C13orf46: variants seen among roughly 807,000 people sequenced by gnomAD.
C13orf46 encodes uncharacterized protein C13orf46.
chr13:113,928,319 G>A, the C13orf46 span: 1 of 152,376 alleles, frequency 6.6e-6, no homozygotes, highest in African/African-American at 2.4e-5. Flanking sequence ...CAAAGCCTTT[G>A]CCCCAGGAGG....
chr13:113,931,459 C>T, the C13orf46 span, among the ~76,000 whole-genome samples: 1 of 152,184 alleles, frequency 6.6e-6, no homozygotes, highest in Admixed American at 6.5e-5. Flanking sequence ...CACAAGCAGA[C>T]GCCAAGTGGA....
chr13:113,931,946 C>T, the C13orf46 span, among the ~76,000 whole-genome samples: 8 of 152,152 alleles, frequency 5.3e-5, no homozygotes, highest in Non-Finnish European at 1.2e-4. Context: ...GGCCCCTGCC[C>T]CGTCCCTCCA....
chr13:113,934,474 G>C, the C13orf46 span, among the ~76,000 whole-genome samples: 1 of 152,172 alleles, frequency 6.6e-6, no homozygotes, highest in Non-Finnish European at 1.5e-5. Flanking sequence ...AAGGGGTCTT[G>C]CAATTTTCCT....
intron 1 of C13orf46, among the ~76,000 whole-genome samples, chr13:113,971,044 G>A (rs2052699350): frequency 6.6e-6 from 1 of 152,238 alleles, no homozygotes; most frequent in Non-Finnish European, 1.5e-5. Flanking sequence ...TTGTGAGGAA[G>A]TCATGTGGCA....
At chr13:113,934,784 G>T in the C13orf46 span, among the ~76,000 whole-genome samples, 2 of 152,236 alleles carry the variant, frequency 1.3e-5, no homozygotes, top group Non-Finnish European at 2.9e-5. Flanking sequence ...CACCCTGATG[G>T]GGTCACACGG....
At chr13:113,942,365 G>A in the C13orf46 span, among the ~76,000 whole-genome samples, 4 of 152,192 alleles carry the variant, frequency 2.6e-5, no homozygotes, top group Non-Finnish European at 5.9e-5. Context: ...GATTGCTGCT[G>A]ACAAGACCCC....
chr13:113,927,277 A>C, the C13orf46 span: 4 of 341,232 alleles, frequency 1.2e-5, no homozygotes, highest in African/African-American at 2.1e-5. Flanking sequence ...GGCTAAGGGT[A>C]TGGGGACCTT....
chr13:113,945,672 G>GA, the C13orf46 span, among the ~76,000 whole-genome samples: 1 of 131,306 alleles, frequency 7.6e-6, no homozygotes, highest in South Asian at 2.4e-4. Context: ...AAGAAAGAAA[G>GA]GAAAGAAAAA....
the C13orf46 span, among the ~76,000 whole-genome samples, chr13:113,932,511 G>A: frequency 6.6e-6 from 1 of 152,200 alleles, no homozygotes; most frequent in Non-Finnish European, 1.5e-5. Context: ...GCTTCTGTCT[G>A]TTAATATAGC....
the C13orf46 span, among the ~76,000 whole-genome samples, chr13:113,945,539 G>GAGAAAGAAAGAA: frequency 1.8e-3 from 135 of 73,658 alleles, 1 homozygote; most frequent in East Asian, 0.016. Context: ...GCGAGAATCT[G>GAGAAAGAAAGAA]AGAAAGAAAG....
downstream of C13orf46, among the ~76,000 whole-genome samples, chr13:113,951,135 G>A (rs1025832135): frequency 4.6e-5 from 7 of 152,216 alleles, no homozygotes; most frequent in Non-Finnish European, 8.8e-5. Flanking sequence ...GCCTCTATGA[G>A]GTGATCATCA....
chr13:113,971,425 C>T (rs931911386), intron 1 of C13orf46, among the ~76,000 whole-genome samples: 4 of 152,200 alleles, frequency 2.6e-5, no homozygotes, highest in African/African-American at 7.2e-5. Flanking sequence ...AGAGAAGCCA[C>T]GAGTGGGGCC....
intron 6 of C13orf46, among the ~76,000 whole-genome samples, chr13:113,963,557 C>T (rs1350512539): frequency 7.1e-6 from 1 of 141,736 alleles, no homozygotes; most frequent in Admixed American, 7.2e-5. Flanking sequence ...GCCCTCGCTC[C>T]AGTCCTCAGC....
chr13:113,929,916 C>T, the C13orf46 span, among the ~76,000 whole-genome samples: 1 of 152,244 alleles, frequency 6.6e-6, no homozygotes, highest in Non-Finnish European at 1.5e-5. Flanking sequence ...CTCAGGCTGC[C>T]AGGGAGCAGG....
At chr13:113,966,560 C>T (rs996124229) in intron 5 of C13orf46, among the ~76,000 whole-genome samples, 373 of 128,742 alleles carry the variant, frequency 2.9e-3, no homozygotes, top group African/African-American at 0.011. Context: ...GTAATAGTGA[C>T]GATGATGGTG....
At chr13:113,973,361 C>T (rs1449140367) in intron 1 of C13orf46, among the ~76,000 whole-genome samples, 1 of 152,130 alleles carries the variant, frequency 6.6e-6, no homozygotes, top group Non-Finnish European at 1.5e-5. Context: ...CAAGTGTGTC[C>T]GACAGCTCCC....
At chr13:113,935,056 C>T in the C13orf46 span, among the ~76,000 whole-genome samples, 1 of 152,248 alleles carries the variant, frequency 6.6e-6, no homozygotes, top group Non-Finnish European at 1.5e-5. Flanking sequence ...ATTCCTCCCT[C>T]TTCTGGGCAA....
chr13:113,936,309 C>T, the C13orf46 span, among the ~76,000 whole-genome samples: 1 of 152,194 alleles, frequency 6.6e-6, no homozygotes, highest in Non-Finnish European at 1.5e-5. Context: ...TGGGAAGGGG[C>T]CGTCCTTGCG....
chr13:113,965,773 ATGGTGATGATGGTAATTATAATGG>A (rs2052633121), intron 5 of C13orf46, among the ~76,000 whole-genome samples: 4 of 147,402 alleles, frequency 2.7e-5, no homozygotes, highest in African/African-American at 1.0e-4. Flanking sequence ...GATGATGGTG[ATGGTGATGATGGTAATTATAATGG>A]TGGTGATGAT....
Sources: allele counts gnomAD v4.1 joint callset (sites outside exome capture counted in the v4.1 genomes callset), GRCh38; gene constraint gnomAD v4.1.1; transcripts MANE v1.5; gene names NCBI Gene and HGNC (gene_info 2026-07-23, HGNC 2026-07-21).